The following PCM1 variants were observed in gnomAD, a reference collection of about 807,000 sequenced individuals.
The protein encoded by PCM1 is pericentriolar material 1 protein.
In PCM1, 157 loss-of-function variants were observed where a neutral mutation model predicts 241.9. The ratio of observed to expected loss-of-function variants is 0.65; its 90% CI spans 0.57 to 0.74. The LOEUF (loss-of-function observed/expected upper bound fraction) is 0.74. Ranked by LOEUF, PCM1 falls within the 30% of genes least tolerant of loss-of-function variation. PCM1 has a pLI of 0.00. For missense variants in PCM1, 3,478 were observed against 2,360.1 expected, an observed-to-expected ratio of 1.47 and a Z score of -9.81; for synonymous variants, 1,085 against 784.9, an observed-to-expected ratio of 1.38 and a Z score of -6.39.
intron 36 of PCM1, among the ~76,000 whole-genome samples, chr8:18,024,607 T>C (rs1032794005): frequency 2.6e-5 from 4 of 152,194 alleles, no homozygotes; most frequent in African/African-American, 9.6e-5. Flanking sequence ...AGGTAGATTA[T>C]AAAAGCTCTT....
At chr8:18,007,628 G>A (rs1197411689) in intron 30 of PCM1, among the ~76,000 whole-genome samples, 3 of 151,960 alleles carry the variant, frequency 2.0e-5, no homozygotes, top group African/African-American at 4.8e-5. Context: ...CTTTCATCCC[G>A]TTCTTGATTT....
intron 3 of PCM1, among the ~76,000 whole-genome samples, chr8:17,936,606 C>G (rs920889914): frequency 1.3e-5 from 2 of 151,974 alleles, no homozygotes; most frequent in African/African-American, 2.4e-5. Context: ...TAGTTTTAAT[C>G]CTATTTTGAA....
At chr8:17,981,610 A>G (rs949671578) in intron 24 of PCM1, among the ~76,000 whole-genome samples, 1 of 152,210 alleles carries the variant, frequency 6.6e-6, no homozygotes, top group African/African-American at 2.4e-5. Context: ...TGACATTAGT[A>G]TAAAATGCAT....
intron 36 of PCM1, among the ~76,000 whole-genome samples, chr8:18,020,951 A>C (rs1363381656): frequency 6.6e-6 from 1 of 152,192 alleles, no homozygotes; most frequent in East Asian, 1.9e-4. Context: ...CTTAATAAAA[A>C]TGATGCTCAT....
At chr8:17,923,882 TG>T (rs993441440) in intron 1 of PCM1, among the ~76,000 whole-genome samples, 24 of 152,162 alleles carry the variant, frequency 1.6e-4, no homozygotes, top group African/African-American at 5.8e-4. Context: ...GGGGAAACGT[TG>T]TTTGGTTTAC....
intron 21 of PCM1, among the ~76,000 whole-genome samples, chr8:17,968,965 A>G (rs529067586): frequency 2.0e-5 from 3 of 152,026 alleles, no homozygotes; most frequent in African/African-American, 4.8e-5. Context: ...CACCAACTCT[A>G]TATAAAGGCT....
Position 17,960,163 on chromosome 8 carries a change from A to T in PCM1, c.2190A>T (p.Ala730=). ...AAGATACTGGAGTAAATGAAAAGGCAAGGTATGTTAAGCTTTTGGCCTTCA... is the reference window on the plus strand; with the variant it reads ...AAGATACTGGAGTAAATGAAAAGGCTAGGTATGTTAAGCTTTTGGCCTTCA... The part of the protein sequence containing the change: ...TQKDTGVNEK[A]REKFYEAKLQ... The change falls in exon 14 of 39, where the codon GCA becomes GCT. Residue 730 remains alanine (A), a splice_region_variant and synonymous_variant. Coordinates refer to ENST00000325083, the MANE Select transcript of PCM1 (RefSeq NM_006197.4). The T allele has an allele frequency of 1.3e-6, 2 of 1,563,344 alleles. No homozygotes were observed. Among genetic ancestry groups the T allele is most frequent in the Non-Finnish European group, 1.7e-6 (2 of 1,156,158 alleles).
intron 26 of PCM1, among the ~76,000 whole-genome samples, chr8:17,988,595 T>A (rs551723663): frequency 6.6e-6 from 1 of 151,888 alleles, no homozygotes; most frequent in Non-Finnish European, 1.5e-5. Flanking sequence ...GATACTGTTA[T>A]GGGAAAATAA....
At chr8:17,981,475 G>A (rs2080773183) in intron 24 of PCM1, among the ~76,000 whole-genome samples, 1 of 151,886 alleles carries the variant, frequency 6.6e-6, no homozygotes, top group Non-Finnish European at 1.5e-5. Flanking sequence ...TGAGTCCCTT[G>A]GCAGCAGATA....
intron 23 of PCM1, among the ~76,000 whole-genome samples, chr8:17,974,984 A>G (rs528327564): frequency 6.6e-6 from 1 of 152,042 alleles, no homozygotes; most frequent in Non-Finnish European, 1.5e-5. Context: ...TTGCTATTCA[A>G]ACTCTGAACT....
chr8:17,950,536 A>T, intron 7 of PCM1, 79 bp from the exon 8 acceptor site: 2 of 744,016 alleles, frequency 2.7e-6, no homozygotes, highest in Non-Finnish European at 4.4e-6. Context: ...TCTTTTTTTA[A>T]ATTTATTTTT....
chr8:17,953,132 A>C lies in PCM1; in HGVS notation c.1234A>C (p.Lys412Gln). Residue 412 changes from lysine (K) to glutamine (Q), a missense_variant, in exon 9 of 39, where the codon AAA becomes CAA. Physicochemically the swap from Lys to Gln is moderately conservative, Grantham distance 53. Transcript: ENST00000325083. ...ACAGGAAAAGAAACAAAAAATGGAC[A>C]AATTGCTTGGAGAACTTCATACACT... Reference protein sequence around the residue: ...VLQEKKQKMDKLLGELHTLRD... With the variant: ...VLQEKKQKMDQLLGELHTLRD... 1.3e-6 allele frequency: 2 copies of C among 1,592,888 alleles called. No individual in the cohort carries two copies. The highest frequency in any genetic ancestry group is 1.7e-6 in the Non-Finnish European group (2 of 1,168,796).
chr8:17,995,200 T>C (rs910031613), intron 29 of PCM1, among the ~76,000 whole-genome samples: 1 of 151,498 alleles, frequency 6.6e-6, no homozygotes, highest in African/African-American at 2.5e-5. Context: ...ATTTGACTTT[T>C]GTATATGGTG....
intron 29 of PCM1, among the ~76,000 whole-genome samples, chr8:18,002,910 T>C (rs1037571296): frequency 6.6e-6 from 1 of 152,134 alleles, no homozygotes; most frequent in Non-Finnish European, 1.5e-5. Context: ...TCGCCCACTT[T>C]TTGACCTTTC....
chr8:17,992,317 C>A (rs2084967926), intron 28 of PCM1, among the ~76,000 whole-genome samples: 1 of 152,188 alleles, frequency 6.6e-6, no homozygotes, highest in Non-Finnish European at 1.5e-5. Context: ...AAGGAATCTT[C>A]ATACTGTTTT....
At chr8:17,941,262 A>T (rs1179758398) in intron 6 of PCM1, among the ~76,000 whole-genome samples, 2 of 152,148 alleles carry the variant, frequency 1.3e-5, no homozygotes, top group Non-Finnish European at 2.9e-5. Flanking sequence ...GTTGGGGAGG[A>T]GTGGGAACTT....
intron 2 of PCM1, among the ~76,000 whole-genome samples, chr8:17,934,248 C>A (rs1334894468): frequency 6.7e-6 from 1 of 149,618 alleles, no homozygotes; most frequent in East Asian, 1.9e-4. Flanking sequence ...ATCATTATTA[C>A]TATTTATTTA....
intron 27 of PCM1, among the ~76,000 whole-genome samples, chr8:17,991,109 A>G (rs142589868): frequency 5.3e-5 from 8 of 152,038 alleles, no homozygotes; most frequent in African/African-American, 1.9e-4. Flanking sequence ...TAGAATTGGG[A>G]AATTTCATTG....
chr8:17,990,591 A>C (rs2084274798), intron 27 of PCM1, among the ~76,000 whole-genome samples: 1 of 151,876 alleles, frequency 6.6e-6, no homozygotes, highest in Non-Finnish European at 1.5e-5. Context: ...TGGAAAGGAA[A>C]TTTAAGGAAA....
Sources: allele counts gnomAD v4.1 joint callset (sites outside exome capture counted in the v4.1 genomes callset), GRCh38; gene constraint gnomAD v4.1.1; transcripts MANE v1.5; gene names NCBI Gene and HGNC (gene_info 2026-07-23, HGNC 2026-07-21).